The following ANKRD30BL variants were observed in gnomAD, a reference collection of about 807,000 sequenced individuals.
ANKRD30BL encodes ankyrin repeat domain 30B like.
A neutral mutation model predicts 18.4 loss-of-function variants in ANKRD30BL; 20 were observed. The ratio of observed to expected loss-of-function variants is 1.09; its 90% CI spans 0.77 to 1.58. The LOEUF (loss-of-function observed/expected upper bound fraction) is 1.58. Ranked by LOEUF, ANKRD30BL falls within the 40% of genes most tolerant of loss-of-function variation. The pLI is 0.00. For synonymous variants in ANKRD30BL, 72 were observed against 100.9 expected, an observed-to-expected ratio of 0.71 and a Z score of 1.72; for missense variants, 224 against 268.6, an observed-to-expected ratio of 0.83 and a Z score of 1.16.
At chr2:132,198,874 T>A (rs1169109601) in intron 1 of ANKRD30BL, among the ~76,000 whole-genome samples, 2 of 152,110 alleles carry the variant, frequency 1.3e-5, no homozygotes, top group Non-Finnish European at 2.9e-5. Flanking sequence ...CAGCTAGGCC[T>A]CCCAAAGTAC....
At chr2:132,211,590 A>C (rs1679350105) in intron 1 of ANKRD30BL, among the ~76,000 whole-genome samples, 1 of 152,092 alleles carries the variant, frequency 6.6e-6, no homozygotes, top group South Asian at 2.1e-4. Flanking sequence ...AGACAGACGC[A>C]TTGTGAGAAA....
At chr2:132,220,102 C>G (rs1679629672) in intron 1 of ANKRD30BL, among the ~76,000 whole-genome samples, 1 of 152,196 alleles carries the variant, frequency 6.6e-6, no homozygotes, top group Non-Finnish European at 1.5e-5. Context: ...TTGATACACT[C>G]TTTTAGTAGA....
At chr2:132,191,945 C>T (rs1287448666) in intron 1 of ANKRD30BL, among the ~76,000 whole-genome samples, 15 of 151,888 alleles carry the variant, frequency 9.9e-5, no homozygotes, top group African/African-American at 2.2e-4. Flanking sequence ...GGGGTTTCAC[C>T]GTGTTAGCCA....
intron 1 of ANKRD30BL, among the ~76,000 whole-genome samples, chr2:132,198,658 C>T (rs575176891): frequency 2.0e-5 from 3 of 148,976 alleles, no homozygotes; most frequent in East Asian, 4.0e-4. Context: ...TGCTCTGTTG[C>T]CCCAGGCTGC....
chr2:132,209,670 A>G (rs1318511448), intron 1 of ANKRD30BL, among the ~76,000 whole-genome samples: 1 of 151,674 alleles, frequency 6.6e-6, no homozygotes, highest in African/African-American at 2.4e-5. Context: ...GGCCTGTGGT[A>G]GAAAAGGAAA....
intron 1 of ANKRD30BL, among the ~76,000 whole-genome samples, chr2:132,246,908 C>T (rs953972571): frequency 6.6e-6 from 1 of 151,930 alleles, no homozygotes; most frequent in African/African-American, 2.4e-5. Context: ...AGTTTTGAAA[C>T]ACTCTTTTTG....
intron 1 of ANKRD30BL, among the ~76,000 whole-genome samples, chr2:132,248,777 T>C (rs1023008605): frequency 5.3e-4 from 81 of 151,720 alleles, no homozygotes; most frequent in Non-Finnish European, 9.4e-4. Context: ...ATAGTTTTTA[T>C]TGAAGATATT....
At chr2:132,196,299 C>A (rs541981120) in intron 1 of ANKRD30BL, among the ~76,000 whole-genome samples, 3 of 151,796 alleles carry the variant, frequency 2.0e-5, no homozygotes, top group African/African-American at 7.3e-5. Context: ...GCCAACATGG[C>A]GAAACCATAG....
chr2:132,198,521 C>G (rs919305714), intron 1 of ANKRD30BL, among the ~76,000 whole-genome samples: 1 of 151,508 alleles, frequency 6.6e-6, no homozygotes, highest in African/African-American at 2.4e-5. Flanking sequence ...GACGGGGTTT[C>G]ACTGTGTTAG....
intron 1 of ANKRD30BL, among the ~76,000 whole-genome samples, chr2:132,188,437 C>A (rs1399833546): frequency 1.3e-5 from 2 of 152,330 alleles, no homozygotes; most frequent in African/African-American, 4.8e-5. Flanking sequence ...AATTAGCGGG[C>A]AGGGCGCGGT....
At chr2:132,165,728 A>G (rs1434514442), upstream of ANKRD30BL, among the ~76,000 whole-genome samples, 2 of 151,798 alleles carry the variant, frequency 1.3e-5, no homozygotes, top group African/African-American at 4.8e-5. Flanking sequence ...TCTCAAAACA[A>G]ACAAAAAAAA....
intron 1 of ANKRD30BL, among the ~76,000 whole-genome samples, chr2:132,223,754 T>C (rs1679762531): frequency 1.3e-5 from 2 of 152,066 alleles, no homozygotes; most frequent in African/African-American, 4.8e-5. Context: ...AAGTGGACAT[T>C]TGGAGGGCTT....
At chr2:132,158,952 G>A (rs1687984706) in intron 1 of ANKRD30BL, among the ~76,000 whole-genome samples, 1 of 151,838 alleles carries the variant, frequency 6.6e-6, no homozygotes, top group Non-Finnish European at 1.5e-5. Context: ...ATTTTTATTG[G>A]TGCAAAATTA....
At chr2:132,199,984 C>T (rs1018678531) in intron 1 of ANKRD30BL, among the ~76,000 whole-genome samples, 2 of 152,108 alleles carry the variant, frequency 1.3e-5, no homozygotes, top group African/African-American at 4.8e-5. Flanking sequence ...GGGCTTCATC[C>T]CTGGGATGCA....
chr2:132,242,509 C>T (rs1245353593), intron 1 of ANKRD30BL, among the ~76,000 whole-genome samples: 1 of 150,868 alleles, frequency 6.6e-6, no homozygotes, highest in African/African-American at 2.5e-5. Flanking sequence ...ATTTGGAGCG[C>T]TTTGTGGCCT....
intron 1 of ANKRD30BL, among the ~76,000 whole-genome samples, chr2:132,233,513 A>T (rs1328287463): frequency 2.1e-5 from 3 of 144,626 alleles, no homozygotes; most frequent in Non-Finnish European, 4.6e-5. Context: ...AATGGAAAAC[A>T]AAAAAAGGCA....
intron 1 of ANKRD30BL, among the ~76,000 whole-genome samples, chr2:132,184,223 C>T (rs567759383): frequency 1.3e-5 from 2 of 152,218 alleles, no homozygotes; most frequent in East Asian, 3.9e-4. Context: ...CAGGCACCTG[C>T]CACCATGCCT....
At chr2:132,151,357 G>A (rs1214110672) in intron 4 of ANKRD30BL, among the ~76,000 whole-genome samples, 1 of 151,900 alleles carries the variant, frequency 6.6e-6, no homozygotes, top group African/African-American at 2.4e-5. Flanking sequence ...ATTTCACTAG[G>A]TTATTATAAA....
intron 1 of ANKRD30BL, among the ~76,000 whole-genome samples, chr2:132,186,608 C>G (rs1327642404): frequency 1.3e-5 from 2 of 152,096 alleles, no homozygotes; most frequent in African/African-American, 2.4e-5. Flanking sequence ...AAAAAGTAGT[C>G]TAATTCTACA....
Sources: gnomAD v4.1 joint callset for allele counts (sites outside exome capture counted in the v4.1 genomes callset) on GRCh38, gnomAD v4.1.1 for gene constraint, MANE v1.5 for transcripts, NCBI Gene and HGNC (gene_info 2026-07-23, HGNC 2026-07-21) for gene names.